Variants in CERS6 observed in about 807,000 individuals in gnomAD.
CERS6 encodes LAG1 homolog, ceramide synthase 6.
Under a neutral mutation model 56.8 loss-of-function variants are expected in CERS6, and 26 were observed. That is an observed-to-expected ratio of 0.46 (90% CI 0.34 to 0.63). The LOEUF is 0.63. Among genes scored for constraint, CERS6 ranks in the 30% least tolerant of loss-of-function variants. CERS6 has a pLI of 0.01. For missense variants in CERS6, 415 were observed against 467.5 expected, an observed-to-expected ratio of 0.89 and a Z score of 1.04; for synonymous variants, 164 against 173.3, an observed-to-expected ratio of 0.95 and a Z score of 0.42.
intron 3 of CERS6, among the ~76,000 whole-genome samples, chr2:168,607,151 AT>A (rs1473952672): frequency 2.0e-5 from 3 of 151,696 alleles, no homozygotes; most frequent in Non-Finnish European, 2.9e-5. Context: ...TGGTTTTTAC[AT>A]TTTTAAATGG....
chr2:168,566,658 G>A (rs550450638), intron 3 of CERS6, among the ~76,000 whole-genome samples: 2 of 152,252 alleles, frequency 1.3e-5, no homozygotes, highest in East Asian at 3.9e-4. Context: ...CCTAATAATT[G>A]ATGACAGGGG....
chr2:168,571,975 G>A (rs1015425438), intron 3 of CERS6, among the ~76,000 whole-genome samples: 3 of 152,284 alleles, frequency 2.0e-5, no homozygotes, highest in African/African-American at 7.2e-5. Flanking sequence ...GTTTACTGCT[G>A]TTAGGGTTCA....
chr2:168,721,578 CCA>C (rs145077501), intron 8 of CERS6, among the ~76,000 whole-genome samples: 66,734 of 124,696 alleles, frequency 0.54, 14,106 homozygotes, highest in Non-Finnish European at 0.57. Context: ...TTAAAAAAAA[CCA>C]AAAAACAAAA....
chr2:168,733,204 G>T (rs957092723), intron 8 of CERS6, among the ~76,000 whole-genome samples: 3 of 152,142 alleles, frequency 2.0e-5, no homozygotes, highest in African/African-American at 7.2e-5. Context: ...TTGCATTTAC[G>T]TGAAAACCCA....
At chr2:168,559,143 C>G (rs1470292684) in intron 2 of CERS6, among the ~76,000 whole-genome samples, 1 of 151,456 alleles carries the variant, frequency 6.6e-6, no homozygotes, top group Non-Finnish European at 1.5e-5. Context: ...TTTCTCCTTC[C>G]CGTATTTTTG....
intron 3 of CERS6, among the ~76,000 whole-genome samples, chr2:168,571,829 A>G (rs924016932): frequency 7.2e-5 from 11 of 152,044 alleles, no homozygotes; most frequent in African/African-American, 2.7e-4. Flanking sequence ...ATCCAATTAT[A>G]CTCTTTTAAT....
chr2:168,736,740 A>G (rs763382624), intron 8 of CERS6, among the ~76,000 whole-genome samples: 1 of 152,228 alleles, frequency 6.6e-6, no homozygotes, highest in African/African-American at 2.4e-5. Context: ...GTCAAAGAGA[A>G]TCGTGTGATG....
At chr2:168,768,597 G>A (rs553736243) in intron 9 of CERS6, among the ~76,000 whole-genome samples, 1 of 151,608 alleles carries the variant, frequency 6.6e-6, no homozygotes, top group Non-Finnish European at 1.5e-5. Flanking sequence ...GCTTCACCCC[G>A]CCCAGCAGGT....
chr2:168,669,614 G>T (rs1171088505), intron 4 of CERS6, among the ~76,000 whole-genome samples: 1 of 152,128 alleles, frequency 6.6e-6, no homozygotes, highest in African/African-American at 2.4e-5. Flanking sequence ...GTATTATTGG[G>T]TGTCTCATGT....
chr2:168,722,530 G>A (rs190862237), intron 8 of CERS6, among the ~76,000 whole-genome samples: 3 of 152,220 alleles, frequency 2.0e-5, no homozygotes, highest in South Asian at 2.1e-4. Flanking sequence ...ACCATTTCTC[G>A]ATTGGCTATT....
intron 5 of CERS6, 73 bp downstream of exon 5, chr2:168,691,157 C>T: frequency 7.2e-7 from 1 of 1,386,336 alleles, no homozygotes; most frequent in Non-Finnish European, 1.0e-6. Flanking sequence ...TGGTCTCAGG[C>T]AGGCCCCAAC....
At chr2:168,503,158 G>A (rs368136250) in intron 1 of CERS6, among the ~76,000 whole-genome samples, 1 of 152,114 alleles carries the variant, frequency 6.6e-6, no homozygotes, top group Non-Finnish European at 1.5e-5. Flanking sequence ...TCTCTCTCTC[G>A]CCTGCCACCA....
intron 8 of CERS6, among the ~76,000 whole-genome samples, chr2:168,738,393 A>G (rs1478403298): frequency 6.6e-6 from 1 of 152,232 alleles, no homozygotes; most frequent in Non-Finnish European, 1.5e-5. Context: ...CAGGAACCAA[A>G]CAGAAAATAG....
At chr2:168,550,438 A>G (rs542177857) in intron 2 of CERS6, among the ~76,000 whole-genome samples, 1 of 152,270 alleles carries the variant, frequency 6.6e-6, no homozygotes, top group Admixed American at 6.5e-5. Flanking sequence ...TCAGCCTCCC[A>G]AAGTGTTGGG....
rs528200409 is a variant in CERS6 at position 168,479,976 on chromosome 2, C to T, written c.170+23358C>T. ...AAGGTCTTACATTTGAATTCTTCCA[C>T]CACCATTTGTTAGAGCTGTGATGCT... On this transcript the variant is annotated intron_variant, in intron 1 of 9. Transcript: ENST00000305747. Among the ~76,000 whole-genome samples the T allele has an allele frequency of 8.5e-5, 13 of 152,294 alleles. No homozygotes were observed. The South Asian group carries it at 2.5e-3, about 29-fold the overall frequency.
chr2:168,666,444 A>G (rs1314907113), intron 4 of CERS6, among the ~76,000 whole-genome samples: 1 of 152,188 alleles, frequency 6.6e-6, no homozygotes, highest in African/African-American at 2.4e-5. Context: ...TCTTTCACTT[A>G]GTAGTATGCA....
At chr2:168,621,579 A>C (rs774275344) in intron 3 of CERS6, among the ~76,000 whole-genome samples, 2 of 152,216 alleles carry the variant, frequency 1.3e-5, no homozygotes, top group Non-Finnish European at 2.9e-5. Flanking sequence ...TATAGGGACT[A>C]GGGCTGATGT....
chr2:168,489,462 T>A (rs569474226), intron 1 of CERS6, among the ~76,000 whole-genome samples: 1 of 150,998 alleles, frequency 6.6e-6, no homozygotes, highest in Non-Finnish European at 1.5e-5. Context: ...TCAAATAGTT[T>A]CTCCACCAAT....
chr2:168,574,180 A>C (rs1283646103), intron 3 of CERS6, among the ~76,000 whole-genome samples: 2 of 152,196 alleles, frequency 1.3e-5, no homozygotes, highest in Non-Finnish European at 2.9e-5. Flanking sequence ...CTGAAATAAG[A>C]CTTGAACTTA....
Sources: gnomAD v4.1 joint callset for allele counts (sites outside exome capture counted in the v4.1 genomes callset) on GRCh38, gnomAD v4.1.1 for gene constraint, MANE v1.5 for transcripts, NCBI Gene and HGNC (gene_info 2026-07-23, HGNC 2026-07-21) for gene names.